ADAMTS15: variants seen among roughly 807,000 people sequenced by gnomAD.
ADAMTS15 encodes ADAM metallopeptidase with thrombospondin type 1 motif 15.
ADAMTS15 carries 35 observed loss-of-function variants against 79.1 expected under a neutral mutation model. The ratio of observed to expected loss-of-function variants is 0.44; its 90% CI spans 0.34 to 0.59. ADAMTS15 has a LOEUF of 0.59. Among genes scored for constraint, ADAMTS15 ranks in the 20% least tolerant of loss-of-function variants. The probability of loss-of-function intolerance (pLI) is 0.02; values close to 1 mark genes in which losing one functional copy is unlikely to be tolerated. For synonymous variants in ADAMTS15, 616 were observed against 567.3 expected, an observed-to-expected ratio of 1.09 and a Z score of -1.22; for missense variants, 1,324 against 1,318.7, an observed-to-expected ratio of 1.00 and a Z score of -0.06.
chr11:130,450,975 A>G (rs1013120662), intron 1 of ADAMTS15, among the ~76,000 whole-genome samples: 2 of 152,208 alleles, frequency 1.3e-5, no homozygotes, highest in Non-Finnish European at 2.9e-5. Context: ...GCCTTTTGCA[A>G]GGCCTTTCCT....
At position 130,473,414 on chromosome 11, in the gene ADAMTS15, C is replaced by G; in HGVS notation, c.2446C>G (p.Arg816Gly). Residue 816 changes from arginine (R) to glycine (G), a missense_variant, in exon 8 of 8, where the codon CGG becomes GGG. By Grantham distance (125) the Arg-to-Gly change is moderately radical (BLOSUM62 -2). Coordinates refer to ENST00000299164, the MANE Select transcript of ADAMTS15 (RefSeq NM_139055.4). ...CAAGTCCTCTCATCCCAAGGACCCC[C>G]GGGGACCCTCTGTCTTGCACAACAG... ...EDKSSHPKDPRGPSVLHNSVL... is the reference protein window; with the variant it reads ...EDKSSHPKDPGGPSVLHNSVL... The G allele has an allele frequency of 2.5e-6, 4 of 1,612,798 alleles. No homozygotes were observed. The highest frequency in any genetic ancestry group is 3.4e-6 in the Non-Finnish European group (4 of 1,179,992).
intron 1 of ADAMTS15, 94 bp downstream of exon 1, chr11:130,450,024 C>A (rs1379545989): frequency 1.3e-6 from 2 of 1,524,430 alleles, no homozygotes; most frequent in African/African-American, 1.4e-5. Flanking sequence ...TCGTGCAATG[C>A]CTCCGAGTTT....
chr11:130,460,837 C>T (rs1157441970), intron 1 of ADAMTS15, among the ~76,000 whole-genome samples: 2 of 152,046 alleles, frequency 1.3e-5, no homozygotes, highest in African/African-American at 4.8e-5. Context: ...CTTAGGTGGC[C>T]ATCTCTCTAT....
At position 130,469,080 on chromosome 11, in the gene ADAMTS15, C is replaced by T. The variant is rs539570106; in HGVS notation, c.1543-182C>T. Among the ~76,000 whole-genome samples, 9 of 151,964 alleles carry T rather than the reference C, an allele frequency of 5.9e-5. No homozygotes were observed. In the South Asian group the frequency reaches 1.5e-3, roughly 25 times the overall value. On this transcript the variant is annotated intron_variant, in intron 4 of 7. Transcript: ENST00000299164. Reference sequence around the variant, plus strand: ...TTTGCTCATTAGTTGGTTGGAATGTCGGGTGGGCTTGGTGTGCACTGGCCA... The same window carrying T: ...TTTGCTCATTAGTTGGTTGGAATGTTGGGTGGGCTTGGTGTGCACTGGCCA...
intron 5 of ADAMTS15, among the ~76,000 whole-genome samples, chr11:130,470,154 G>GTATATATATATATA (rs869166777): frequency 3.6e-5 from 2 of 55,574 alleles, no homozygotes; most frequent in Non-Finnish European, 6.5e-5. Context: ...ATATATATGT[G>GTATATATATATATA]TATATATATA....
chr11:130,471,032 T>A lies in ADAMTS15; in HGVS notation c.1833T>A (p.Ser611=), dbSNP rs1275737699. Residue 611 remains serine, a synonymous_variant, in exon 6 of 8, where the codon TCT becomes TCA. Coordinates refer to ENST00000299164, the MANE Select transcript of ADAMTS15 (RefSeq NM_139055.4). The part of the protein sequence containing the change: ...VAWVPKYSGV[S]PRDKCKLICR... ...GGGTGCCCAAGTACTCCGGCGTGTC[T>A]CCCCGGGACAAGTGCAAGCTCATCT... 3 of 1,613,730 alleles carry A rather than the reference T, an allele frequency of 1.9e-6. No individual in the cohort carries two copies. The highest frequency in any genetic ancestry group is 2.5e-6 in the Non-Finnish European group (3 of 1,180,012).
intron 1 of ADAMTS15, among the ~76,000 whole-genome samples, chr11:130,457,247 G>T (rs1938102901): frequency 6.9e-6 from 1 of 144,858 alleles, no homozygotes; most frequent in Non-Finnish European, 1.5e-5. Flanking sequence ...AAAAAAAAAA[G>T]TTAATGTGCT....
chr11:130,474,539 G>A lies in ADAMTS15; in HGVS notation c.*718G>A, dbSNP rs1938537411. The stretch of plus-strand genomic sequence containing the variant: ...GGAAGTGTCCTCTGAGGCTCTGCAG[G>A]TAGCGGGGAAAGCCAGTAGGGAGTC... On this transcript the variant is annotated 3_prime_UTR_variant, in exon 8 of 8. Coordinates refer to ENST00000299164, the MANE Select transcript of ADAMTS15 (RefSeq NM_139055.4). 1 of 152,500 alleles carries A rather than the reference G, an allele frequency of 6.6e-6. No homozygotes were observed. Among genetic ancestry groups the A allele is most frequent in the African/African-American group, 2.4e-5 (1 of 41,464 alleles). The allele number at this position is 152,500 out of a possible 1,614,324, so 9.4% of individuals were successfully genotyped here.
intron 5 of ADAMTS15, among the ~76,000 whole-genome samples, chr11:130,470,152 G>GTATATATATATATATATATATA (rs1157689519): frequency 2.7e-5 from 2 of 73,764 alleles, no homozygotes; most frequent in Non-Finnish European, 4.7e-5. Context: ...ATATATATAT[G>GTATATATATATATATATATATA]TGTATATATA....
chr11:130,473,394 C>A lies in ADAMTS15; in HGVS notation c.2426C>A (p.Ser809Tyr). The A allele has an allele frequency of 6.2e-7, 1 of 1,612,810 alleles. No individual in the cohort carries two copies. Among genetic ancestry groups the A allele is most frequent in the South Asian group, 1.1e-5 (1 of 91,084 alleles). ...CCCAAAGAGCCTCGGGAGGACAAGT[C>A]CTCTCATCCCAAGGACCCCCGGGGA... is the stretch of plus-strand genomic sequence containing the variant. ...YLPKEPREDK[S>Y]SHPKDPRGPS... Residue 809 changes from serine (S) to tyrosine (Y), a missense_variant, in exon 8 of 8, where the codon TCC becomes TAC. Ser to Tyr is a moderately radical substitution (Grantham distance 144). Coordinates refer to ENST00000299164, the MANE Select transcript of ADAMTS15 (RefSeq NM_139055.4).
In ADAMTS15 at chr11:130,449,626, G is replaced by C; in HGVS notation, c.653G>C (p.Arg218Pro). 6.2e-7 allele frequency: 1 copy of C among 1,604,158 alleles called. No homozygotes were observed. Among genetic ancestry groups the C allele is most frequent in the Non-Finnish European group, 8.5e-7 (1 of 1,175,774 alleles). Reference sequence around the variant, plus strand: ...GCCAAGCGTTTCGTGTCTATCCCGCGGTACGTGGAGACGCTGGTGGTCGCG... The same window carrying C: ...GCCAAGCGTTTCGTGTCTATCCCGCCGTACGTGGAGACGCTGGTGGTCGCG... ...GRAKRFVSIPRYVETLVVADE... is the reference protein window; with the variant it reads ...GRAKRFVSIPPYVETLVVADE... The change falls in exon 1 of 8, where the codon CGG (arginine) becomes CCG (proline). Residue 218 changes from arginine to proline, a missense_variant. Transcript: ENST00000299164. The surrounding 1 kb of genome is among the most constrained non-coding windows in gnomAD (Gnocchi z 7.8).
intron 5 of ADAMTS15, among the ~76,000 whole-genome samples, chr11:130,470,133 CATATATATATATATATATGTGTATATAT>C (rs1301325391): frequency 1.9e-4 from 14 of 74,816 alleles, no homozygotes; most frequent in Admixed American, 3.5e-4. Flanking sequence ...TATATATATA[CATATATATATATATATATGTGTATATAT>C]ATATATATAT....
rs566732172 is a variant in ADAMTS15 at position 130,473,302 on chromosome 11, G to T, written c.2334G>T (p.Pro778=). Residue 778 remains proline (P), a synonymous_variant, in exon 8 of 8, where the codon CCG becomes CCT. Coordinates refer to ENST00000299164, the MANE Select transcript of ADAMTS15 (RefSeq NM_139055.4). The part of the protein sequence containing the change: ...SLQASRPILE[P]LTVEVLSVGK... The stretch of plus-strand genomic sequence containing the variant: ...AGGCTTCCCGGCCCATCCTGGAGCC[G>T]CTGACCGTGGAGGTCCTCTCCGTGG... The T allele has an allele frequency of 1.2e-6, 2 of 1,613,014 alleles. No individual in the cohort carries two copies. Among genetic ancestry groups the T allele is most frequent in the African/African-American group, 2.7e-5 (2 of 74,934 alleles).
At chr11:130,470,137 T>C (rs1300150200) in intron 5 of ADAMTS15, among the ~76,000 whole-genome samples, 5 of 70,434 alleles carry the variant, frequency 7.1e-5, no homozygotes, top group African/African-American at 2.4e-4. Flanking sequence ...TATATACATA[T>C]ATATATATAT....
In ADAMTS15 at chr11:130,449,016, A is replaced by G. The variant is rs749222464; in HGVS notation, c.43A>G (p.Thr15Ala). The change falls in exon 1 of 8, where the codon ACC becomes GCC. Residue 15 changes from threonine (T) to alanine (A), a missense_variant. Coordinates refer to ENST00000299164, the MANE Select transcript of ADAMTS15 (RefSeq NM_139055.4). This position sits in a 1 kb window ranked among gnomAD's most constrained non-coding sequence, Gnocchi z 7.8. ...CCTAACCCTGGCTTTCGCCGGGCGA[A>G]CCGCTGGAGGCTCTGAGCCAGAGCG... ...GILTLAFAGR[T>A]AGGSEPEREV... is the part of the protein sequence containing the mutation. The G allele has an allele frequency of 6.6e-7, 1 of 1,510,152 alleles. No homozygotes were observed. Among genetic ancestry groups the G allele is most frequent in the Admixed American group, 2.2e-5 (1 of 44,450 alleles). The allele number at this position is 1,510,152 out of a possible 1,614,324, so 93.5% of individuals were successfully genotyped here.
rs752054023 is a variant in ADAMTS15 at position 130,471,151 on chromosome 11, G to T, written c.1902+50G>T. On this transcript the variant is annotated intron_variant, in intron 6 of 7. Coordinates refer to ENST00000299164, the MANE Select transcript of ADAMTS15 (RefSeq NM_139055.4). ...CAAAGTAGGGACCAGGTCTTCCGGG[G>T]AGCATCAGCTGAGCTGCCCTGCTCT... 4.4e-6 allele frequency: 7 copies of T among 1,592,712 alleles called. 1 individual carries two copies. In the East Asian group the frequency reaches 6.7e-5, roughly 15 times the overall value.
intron 5 of ADAMTS15, among the ~76,000 whole-genome samples, chr11:130,470,166 ATATATATATATATATGTG>A (rs1938409127): frequency 3.5e-5 from 2 of 57,578 alleles, no homozygotes; most frequent in African/African-American, 1.0e-4. Context: ...ATATATATAT[ATATATATATATATATGTG>A]TGTATATATA....
At position 130,473,567 on chromosome 11, in the gene ADAMTS15, C is replaced by T. The variant is rs560827134; in HGVS notation, c.2599C>T (p.Arg867Trp). 5.3e-5 allele frequency: 85 copies of T among 1,602,378 alleles called. No homozygotes were observed. The highest frequency in any genetic ancestry group is 8.9e-5 in the South Asian group (8 of 90,152). The change falls in exon 8 of 8, where the codon CGG becomes TGG. Residue 867 changes from arginine to tryptophan, a missense_variant. Arg to Trp is a moderately radical substitution (Grantham distance 101). Coordinates refer to ENST00000299164, the MANE Select transcript of ADAMTS15 (RefSeq NM_139055.4). ...SGLQKRAVDC[R>W]GSAGQRTVPA... The stretch of plus-strand genomic sequence containing the variant: ...CCTGCAGAAGCGGGCGGTGGACTGC[C>T]GGGGCTCCGCCGGGCAGCGCACGGT...
At chr11:130,456,466 C>T (rs1006846132) in intron 1 of ADAMTS15, among the ~76,000 whole-genome samples, 1 of 152,200 alleles carries the variant, frequency 6.6e-6, no homozygotes, top group African/African-American at 2.4e-5. Flanking sequence ...CGTCACATTG[C>T]CAAGGCACTG....
Sources: allele counts gnomAD v4.1 joint callset (sites outside exome capture counted in the v4.1 genomes callset), GRCh38; gene constraint gnomAD v4.1.1; non-coding constraint Gnocchi (gnomAD v3.1); transcripts MANE v1.5; gene names NCBI Gene and HGNC (gene_info 2026-07-23, HGNC 2026-07-21).